DYM: variants seen among roughly 807,000 people sequenced by gnomAD.
DYM encodes dyggve-Melchior-Clausen syndrome protein.
A neutral mutation model predicts 93.1 loss-of-function variants in DYM; 78 were observed. That is an observed-to-expected ratio of 0.84 (90% CI 0.70 to 1.01). The LOEUF (loss-of-function observed/expected upper bound fraction) is 1.01. Among genes scored for constraint, DYM ranks in the 50% least tolerant of loss-of-function variants. DYM has a pLI of 0.00. For missense variants in DYM, 789 were observed against 845.0 expected, an observed-to-expected ratio of 0.93 and a Z score of 0.82; for synonymous variants, 321 against 319.7, an observed-to-expected ratio of 1.00 and a Z score of -0.04.
chr18:49,039,159 T>C lies in DYM; in HGVS notation c.*4896A>G, dbSNP rs1452107588. Among the ~76,000 whole-genome samples, 1 of 152,232 alleles carries C rather than the reference T, an allele frequency of 6.6e-6. No individual in the cohort carries two copies. The highest frequency in any genetic ancestry group is 1.5e-5 in the Non-Finnish European group (1 of 68,042). Reference sequence around the variant, plus strand: ...AATGTCTTCATATCCTCTTCATTTTTGCAGGATATTTTCCCTGATTAGAAA... The same window carrying C: ...AATGTCTTCATATCCTCTTCATTTTCGCAGGATATTTTCCCTGATTAGAAA... On this transcript the variant is annotated 3_prime_UTR_variant, in exon 18 of 18. Transcript: ENST00000675505.
At chr18:49,324,977 A>G (rs1437622240) in intron 8 of DYM, among the ~76,000 whole-genome samples, 1 of 152,188 alleles carries the variant, frequency 6.6e-6, no homozygotes, top group African/African-American at 2.4e-5. Flanking sequence ...ACTCTATCCC[A>G]AATCTTCTGA....
At chr18:49,110,269 A>G (rs375061277) in intron 16 of DYM, among the ~76,000 whole-genome samples, 52 of 152,364 alleles carry the variant, frequency 3.4e-4, no homozygotes, top group African/African-American at 1.1e-3. Flanking sequence ...GTGAATCAAC[A>G]TAAGAAAAAG....
At chr18:49,156,535 C>A (rs2086461496) in intron 15 of DYM, among the ~76,000 whole-genome samples, 1 of 151,936 alleles carries the variant, frequency 6.6e-6, no homozygotes. Flanking sequence ...AGTTCGAGAC[C>A]AGCCTGGCCA....
chr18:49,046,088 A>G (rs1599311170), intron 17 of DYM, among the ~76,000 whole-genome samples: 1 of 130,532 alleles, frequency 7.7e-6, no homozygotes, highest in Non-Finnish European at 1.8e-5. Flanking sequence ...ATGCGCGCAC[A>G]CACACACACA....
intron 13 of DYM, among the ~76,000 whole-genome samples, chr18:49,247,404 G>A (rs183704174): frequency 2.6e-5 from 4 of 152,172 alleles, no homozygotes; most frequent in African/African-American, 9.7e-5. Context: ...CTACAAAACT[G>A]TAGCAGGTAA....
intron 5 of DYM, among the ~76,000 whole-genome samples, chr18:49,367,573 A>T (rs1183820402): frequency 3.3e-5 from 5 of 152,214 alleles, no homozygotes; most frequent in Non-Finnish European, 7.3e-5. Flanking sequence ...AAGACAGTAA[A>T]AAAATTATTT....
At chr18:49,255,945 G>A (rs533077945) in intron 13 of DYM, among the ~76,000 whole-genome samples, 2 of 151,694 alleles carry the variant, frequency 1.3e-5, no homozygotes, top group South Asian at 4.2e-4. Context: ...TTAGCCGGGT[G>A]TGGTGGCGGG....
chr18:49,146,460 C>T (rs546091985), intron 15 of DYM, among the ~76,000 whole-genome samples: 45 of 152,296 alleles, frequency 3.0e-4, no homozygotes, highest in African/African-American at 1.1e-3. Context: ...TGTCTCAGCA[C>T]AAAATCTCCT....
In DYM at chr18:49,282,145, T is replaced by C. The variant is rs906657367; in HGVS notation, c.977A>G (p.His326Arg). The stretch of plus-strand genomic sequence containing the variant: ...ACTATTAAAGTTGATCTGGAAGGCA[T>C]GTGGAATTGATGAGGGGAAAGGACT... ...DSSPFPSSIP[H>R]AFQINFNSLY... The change falls in exon 10 of 18, where the codon CAT becomes CGT. Residue 326 changes from histidine to arginine, a missense_variant. His to Arg is a conservative substitution (Grantham distance 29, BLOSUM62 0). This residue lies in a region of DYM where 450 missense variants were observed against 436.2 expected (regional missense o/e 1.03). Transcript: ENST00000675505. 1 of 1,613,938 alleles carries C rather than the reference T, an allele frequency of 6.2e-7. No homozygotes were observed. Among genetic ancestry groups the C allele is most frequent in the Non-Finnish European group, 8.5e-7 (1 of 1,179,926 alleles).
At chr18:49,427,133 T>C (rs542924885) in intron 2 of DYM, among the ~76,000 whole-genome samples, 1 of 152,298 alleles carries the variant, frequency 6.6e-6, no homozygotes, top group Admixed American at 6.5e-5. Context: ...CTTAGCATGA[T>C]AACTGGTATA....
At chr18:49,161,368 AAAG>A (rs1268338831) in intron 15 of DYM, among the ~76,000 whole-genome samples, 1 of 152,222 alleles carries the variant, frequency 6.6e-6, no homozygotes, top group Non-Finnish European at 1.5e-5. Context: ...ATCTCTGATT[AAAG>A]AAGAATGCTA....
intron 13 of DYM, among the ~76,000 whole-genome samples, chr18:49,218,451 C>A (rs1342809061): frequency 6.6e-6 from 1 of 152,212 alleles, no homozygotes; most frequent in African/African-American, 2.4e-5. Flanking sequence ...ACAGAATATA[C>A]ATTTTTTTCA....
At chr18:49,194,638 G>A (rs1214728602) in intron 14 of DYM, among the ~76,000 whole-genome samples, 2 of 151,948 alleles carry the variant, frequency 1.3e-5, no homozygotes, top group African/African-American at 2.4e-5. Context: ...TGACATTTTA[G>A]TGTAGATCAC....
chr18:49,044,355 T>G, intron 17 of DYM, 151 bp from the exon 18 acceptor site: 1 of 802,602 alleles, frequency 1.2e-6, no homozygotes, highest in Non-Finnish European at 2.1e-6. Context: ...CTTTAAAATA[T>G]TTCAGCTATC....
chr18:49,177,352 A>G (rs2089492612), intron 14 of DYM, among the ~76,000 whole-genome samples: 1 of 152,190 alleles, frequency 6.6e-6, no homozygotes, highest in South Asian at 2.1e-4. Flanking sequence ...GATACTGCTA[A>G]CTTTGGGGAA....
Position 49,037,982 on chromosome 18 carries a change from G to A in DYM, c.*6073C>T, listed in dbSNP as rs2070767169. Among the ~76,000 whole-genome samples the A allele has an allele frequency of 6.6e-6, 1 of 152,036 alleles. No individual in the cohort carries two copies. Among genetic ancestry groups the A allele is most frequent in the Admixed American group, 6.5e-5 (1 of 15,268 alleles). On this transcript the variant is annotated 3_prime_UTR_variant, in exon 18 of 18. Coordinates refer to ENST00000675505, the MANE Select transcript of DYM (RefSeq NM_001353214.3). Reference sequence around the variant, plus strand: ...TGGGGCTATAGGCACATGCCACCATGCCCAGTTAATTTTTTTATTTTTTGT... The same window carrying A: ...TGGGGCTATAGGCACATGCCACCATACCCAGTTAATTTTTTTATTTTTTGT...
chr18:49,350,734 A>G (rs1385226798), intron 6 of DYM, among the ~76,000 whole-genome samples: 2 of 151,250 alleles, frequency 1.3e-5, no homozygotes, highest in Admixed American at 6.6e-5. Flanking sequence ...AAGAAAAAAA[A>G]AAAAAAAACA....
chr18:49,407,234 G>A (rs1166750566), intron 2 of DYM, among the ~76,000 whole-genome samples: 1 of 152,148 alleles, frequency 6.6e-6, no homozygotes, highest in Non-Finnish European at 1.5e-5. Context: ...TAAAGGGTAA[G>A]CACTGTATCT....
At chr18:49,270,958 T>C (rs2094681822) in intron 11 of DYM, among the ~76,000 whole-genome samples, 1 of 151,866 alleles carries the variant, frequency 6.6e-6, no homozygotes, top group African/African-American at 2.4e-5. Context: ...TCAAAAACAA[T>C]CCACCCAAAA....
Sources: gnomAD v4.1 joint callset for allele counts (sites outside exome capture counted in the v4.1 genomes callset) on GRCh38, gnomAD v4.1.1 for gene constraint, gnomAD v4.1.1 regional missense constraint, MANE v1.5 for transcripts, NCBI Gene and HGNC (gene_info 2026-07-23, HGNC 2026-07-21) for gene names.